The following GPC5 variants were observed in gnomAD, a reference collection of about 807,000 sequenced individuals.
GPC5 encodes glypican-5.
In GPC5, 47 loss-of-function variants were observed where a neutral mutation model predicts 53.9. That is an observed-to-expected ratio of 0.87 (90% CI 0.69 to 1.11). The LOEUF is 1.11. GPC5 is among the 50% of genes most tolerant of loss of function. The probability of loss-of-function intolerance (pLI) is 0.00; values close to 1 mark genes in which losing one functional copy is unlikely to be tolerated. For missense variants in GPC5, 748 were observed against 713.1 expected, an observed-to-expected ratio of 1.05 and a Z score of -0.56; for synonymous variants, 286 against 263.3, an observed-to-expected ratio of 1.09 and a Z score of -0.84.
At chr13:92,175,608 T>C (rs2042103852) in intron 7 of GPC5, among the ~76,000 whole-genome samples, 1 of 152,124 alleles carries the variant, frequency 6.6e-6, no homozygotes, top group South Asian at 2.1e-4. Flanking sequence ...GGCCACTAGA[T>C]GGGGCTTGTG....
chr13:91,619,453 A>G (rs1183093314), intron 2 of GPC5, among the ~76,000 whole-genome samples: 1 of 152,092 alleles, frequency 6.6e-6, no homozygotes, highest in African/African-American at 2.4e-5. Context: ...AACTCTATGC[A>G]CATTATATTA....
At chr13:91,788,396 T>TA (rs2037911188) in intron 5 of GPC5, among the ~76,000 whole-genome samples, 1 of 152,186 alleles carries the variant, frequency 6.6e-6, no homozygotes, top group Non-Finnish European at 1.5e-5. Flanking sequence ...GATTAGGACT[T>TA]CAACATATGA....
rs80006291 is a variant in GPC5 at position 91,782,058 on chromosome 13, G to A, written c.1280+25638G>A. On this transcript the variant is annotated intron_variant, in intron 5 of 7. Coordinates refer to ENST00000377067, the MANE Select transcript of GPC5 (RefSeq NM_004466.6). Reference sequence around the variant, plus strand: ...ACAATTGCCCCTTAATTCACAGACTGTAATTATATATATTTTTACCTGCTG... The same window carrying A: ...ACAATTGCCCCTTAATTCACAGACTATAATTATATATATTTTTACCTGCTG... Among the ~76,000 whole-genome samples the A allele has an allele frequency of 9.3e-3, 1,423 of 152,276 alleles. 19 individuals are homozygous for A. The highest frequency in any genetic ancestry group is 0.033 in the African/African-American group (1,362 of 41,556).
At position 92,462,735 on chromosome 13, in the gene GPC5, G is replaced by A. The variant is rs191651724; in HGVS notation, c.1561+317746G>A. On this transcript the variant is annotated intron_variant, in intron 7 of 7. Transcript: ENST00000377067. ...GTTCATGTCTTTTTTTTTTTTTTTC[G>A]CCCGGAGTTTTTCTCTTGCTGCCCA... Among the ~76,000 whole-genome samples, 618 of 102,048 alleles carry A rather than the reference G, an allele frequency of 6.1e-3. 10 individuals are homozygous for A. Among genetic ancestry groups the A allele is most frequent in the Admixed American group, 0.019 (173 of 8,968 alleles). The allele number at this position is 102,048 out of a possible 152,430, so 66.9% of individuals were successfully genotyped here.
At position 92,555,666 on chromosome 13, in the gene GPC5, C is replaced by T. The variant is rs959254002; in HGVS notation, c.1562-310616C>T. Reference sequence around the variant, plus strand: ...TTTTCAATTTTAATTTAAAATTAGACATATAAGAATATGGGCTTTTAGGAT... The same window carrying T: ...TTTTCAATTTTAATTTAAAATTAGATATATAAGAATATGGGCTTTTAGGAT... On this transcript the variant is annotated intron_variant, in intron 7 of 7. Coordinates refer to ENST00000377067, the MANE Select transcript of GPC5 (RefSeq NM_004466.6). 2.7e-5 allele frequency among the ~76,000 whole-genome samples: 4 copies of T among 149,402 alleles called. No homozygotes were observed. The Admixed American group carries it at 2.7e-4, about 10-fold the overall frequency.
chr13:92,264,660 G>C (rs988144098), intron 7 of GPC5, among the ~76,000 whole-genome samples: 29 of 150,728 alleles, frequency 1.9e-4, no homozygotes, highest in African/African-American at 6.8e-4. Flanking sequence ...TGTTGTTCTT[G>C]TCTAGTTTTT....
chr13:91,409,559 T>C (rs771474910), intron 1 of GPC5, among the ~76,000 whole-genome samples: 1 of 152,262 alleles, frequency 6.6e-6, no homozygotes, highest in Non-Finnish European at 1.5e-5. Flanking sequence ...CTAGTAGTTA[T>C]GACAAACCAT....
At chr13:91,975,706 A>C (rs992778102) in intron 6 of GPC5, among the ~76,000 whole-genome samples, 4 of 152,178 alleles carry the variant, frequency 2.6e-5, no homozygotes, top group Non-Finnish European at 5.9e-5. Context: ...TGTGGAAGTC[A>C]GTGTGGCGAT....
chr13:92,501,850 T>C (rs1052435855), intron 7 of GPC5, among the ~76,000 whole-genome samples: 4 of 152,164 alleles, frequency 2.6e-5, no homozygotes, highest in Non-Finnish European at 5.9e-5. Context: ...TTCTAAATCA[T>C]GTAAAAATAA....
At chr13:92,760,311 T>G (rs1448276937) in intron 7 of GPC5, among the ~76,000 whole-genome samples, 3 of 152,214 alleles carry the variant, frequency 2.0e-5, no homozygotes, top group South Asian at 2.1e-4. Context: ...CCATTTGATT[T>G]TGTGCTTTTA....
chr13:92,812,013 G>T (rs1877317844), intron 7 of GPC5, among the ~76,000 whole-genome samples: 1 of 151,892 alleles, frequency 6.6e-6, no homozygotes, highest in African/African-American at 2.4e-5. Flanking sequence ...TGTATGCTTT[G>T]CAGTGATGAA....
At chr13:92,032,147 C>G (rs2040857463) in intron 6 of GPC5, among the ~76,000 whole-genome samples, 2 of 147,660 alleles carry the variant, frequency 1.4e-5, no homozygotes, top group African/African-American at 5.0e-5. Context: ...CTGGATGGAA[C>G]TGGGGACCAT....
intron 7 of GPC5, among the ~76,000 whole-genome samples, chr13:92,145,424 G>A (rs768250890): frequency 1.6e-4 from 25 of 151,540 alleles, no homozygotes; most frequent in Non-Finnish European, 2.8e-4. Flanking sequence ...ATAGAAATTG[G>A]TATATGGTTA....
At chr13:92,816,354 G>T (rs1366505663) in intron 7 of GPC5, among the ~76,000 whole-genome samples, 1 of 152,018 alleles carries the variant, frequency 6.6e-6, no homozygotes, top group Non-Finnish European at 1.5e-5. Context: ...GGTTTCAGTT[G>T]CATTGTCTAT....
intron 7 of GPC5, chr13:92,241,855 C>A (rs1234000455): frequency 1.3e-5 from 2 of 152,116 alleles, no homozygotes; most frequent in African/African-American, 2.4e-5. Flanking sequence ...AAGAAATTTC[C>A]TTTTGGCAAC....
chr13:91,582,439 A>G (rs2032400508), intron 2 of GPC5, among the ~76,000 whole-genome samples: 1 of 152,206 alleles, frequency 6.6e-6, no homozygotes, highest in Non-Finnish European at 1.5e-5. Context: ...CAACAACAAC[A>G]AAACAGACAT....
intron 7 of GPC5, among the ~76,000 whole-genome samples, chr13:92,710,475 A>C (rs1359731326): frequency 1.3e-5 from 2 of 152,246 alleles, no homozygotes; most frequent in Non-Finnish European, 2.9e-5. Flanking sequence ...TACAGTTTTA[A>C]ATGTAAAACA....
At chr13:92,089,079 A>G (rs537823233) in intron 6 of GPC5, among the ~76,000 whole-genome samples, 52 of 152,320 alleles carry the variant, frequency 3.4e-4, no homozygotes, top group Admixed American at 9.8e-4. Context: ...TAAAGTTCCT[A>G]AGAATCAAGT....
Position 91,548,853 on chromosome 13 carries a change from G to C in GPC5, c.325+99931G>C, listed in dbSNP as rs139668987. Among the ~76,000 whole-genome samples the C allele has an allele frequency of 9.4e-3, 1,435 of 152,298 alleles. 23 individuals are homozygous for C. The highest frequency in any genetic ancestry group is 0.031 in the African/African-American group (1,294 of 41,570). On this transcript the variant is annotated intron_variant, in intron 2 of 7. Transcript: ENST00000377067. ...AGCAAAGACAATACAAAGGAGCAAA[G>C]ATAGTCTTTTCAACAAATGGTACTA...
Sources: gnomAD v4.1 joint callset for allele counts (sites outside exome capture counted in the v4.1 genomes callset) on GRCh38, gnomAD v4.1.1 for gene constraint, MANE v1.5 for transcripts, NCBI Gene and HGNC (gene_info 2026-07-23, HGNC 2026-07-21) for gene names.